The following ERICH6 variants were observed in gnomAD, a reference collection of about 807,000 sequenced individuals.
ERICH6 encodes glutamate-rich protein 6.
In ERICH6, 71 loss-of-function variants were observed where a neutral mutation model predicts 71.0. The ratio of observed to expected loss-of-function variants is 1.00; its 90% confidence interval spans 0.83 to 1.22. The LOEUF (loss-of-function observed/expected upper bound fraction) is 1.22. Among genes scored for constraint, ERICH6 ranks in the 50% most tolerant of loss-of-function variants. ERICH6 has a pLI of 0.00. For synonymous variants in ERICH6, 262 were observed against 278.4 expected (o/e 0.94, Z 0.59); for missense variants, 808 against 797.2 (o/e 1.01, Z -0.16).
chr3:150,667,658 C>T (rs1015608008), intron 12 of ERICH6, among the ~76,000 whole-genome samples: 4 of 152,186 alleles, frequency 2.6e-5, no homozygotes, highest in Non-Finnish European at 4.4e-5. Context: ...CGTTTAGCCC[C>T]TCACCATCTG....
chr3:150,686,060 C>T, intron 4 of ERICH6, 39 bp from the exon 5 acceptor site: 1 of 1,533,232 alleles, frequency 6.5e-7, no homozygotes, highest in Non-Finnish European at 9.0e-7. Context: ...ATGTTTAAAG[C>T]CTTTGTGCAG....
At chr3:150,692,213 T>G (rs1374337688) in intron 3 of ERICH6, among the ~76,000 whole-genome samples, 1 of 152,186 alleles carries the variant, frequency 6.6e-6, no homozygotes, top group African/African-American at 2.4e-5. Flanking sequence ...TTTTATAGAT[T>G]GTTTATAAAA....
At chr3:150,660,669 C>A (rs1395768089) in intron 13 of ERICH6, among the ~76,000 whole-genome samples, 6 of 152,266 alleles carry the variant, frequency 3.9e-5, no homozygotes, top group Non-Finnish European at 7.3e-5. Flanking sequence ...TCTCCCCACT[C>A]TCTCACAGCT....
In ERICH6 at chr3:150,680,895, G is replaced by A. The variant is rs764626921; in HGVS notation, c.918C>T (p.Asp306=). The change falls in exon 8 of 14, where the codon GAC becomes GAT. Residue 306 remains aspartate, a synonymous_variant. Transcript: ENST00000295910. ...TTTTTATTTGCTCCTCATAGATATA[G>A]TCAATCAGATTTTGGAAAGCAATAC... ...SCCIAFQNLI[D]YIYEEQIKTK... 1 of 1,612,082 alleles carries A rather than the reference G, an allele frequency of 6.2e-7. No individual in the cohort carries two copies.
chr3:150,678,498 GT>G lies in ERICH6; in HGVS notation c.1167del (p.Lys389AsnfsTer3). 1 of 1,602,144 alleles carries G rather than the reference GT, an allele frequency of 6.2e-7. No individual in the cohort carries two copies. Among genetic ancestry groups the G allele is most frequent in the Non-Finnish European group, 8.5e-7 (1 of 1,176,770 alleles). On this transcript the variant is annotated frameshift_variant, in exon 10 of 14. Transcript: ENST00000295910. LOFTEE classifies it high-confidence loss of function. ...TCAAATACAATGTCATCAATTATCT[GT>G]TTTTCTGGAATATCCACAGAAAGTT... ...SYQLSVDIPE[K>X]QIIDDIVFDF... is the part of the protein sequence containing the mutation.
At chr3:150,691,069 A>C (rs1033348631) in intron 3 of ERICH6, among the ~76,000 whole-genome samples, 4 of 152,222 alleles carry the variant, frequency 2.6e-5, no homozygotes, top group Admixed American at 6.5e-5. Flanking sequence ...GACAGCTTGG[A>C]GGTTAAAAGC....
intron 3 of ERICH6, among the ~76,000 whole-genome samples, chr3:150,692,083 A>G (rs557100452): frequency 2.6e-5 from 4 of 152,222 alleles, no homozygotes; most frequent in Non-Finnish European, 5.9e-5. Flanking sequence ...AGACTAGCAT[A>G]TAGGCGCTTG....
At position 150,660,078 on chromosome 3, in the gene ERICH6, C is replaced by T. The variant is rs1559906995; in HGVS notation, c.1806G>A (p.Lys602=). 1.9e-6 allele frequency: 3 copies of T among 1,614,046 alleles called. No homozygotes were observed. The highest frequency in any genetic ancestry group is 2.5e-6 in the Non-Finnish European group (3 of 1,180,012). Residue 602 remains lysine (K), a synonymous_variant, in exon 14 of 14, where the codon AAG becomes AAA. Transcript: ENST00000295910. ...DDLLLLASLI[K]IRRLFHKLEG... ...CAAGTTTATGAAACAGGCGACGGAT[C>T]TTTATTAAACTGGCCAGCAGAAGAA...
At position 150,678,474 on chromosome 3, in the gene ERICH6, CA is replaced by C; in HGVS notation, c.1191del (p.Phe397LeufsTer5). 1.2e-6 allele frequency: 2 copies of C among 1,603,368 alleles called. No individual in the cohort carries two copies. Among genetic ancestry groups the C allele is most frequent in the Non-Finnish European group, 1.7e-6 (2 of 1,176,940 alleles). Reference sequence around the variant, plus strand: ...ATGTTACTGTTTCTTAGTTGAAAATCAAATACAATGTCATCAATTATCTGTT... The same window carrying C: ...ATGTTACTGTTTCTTAGTTGAAAATCAATACAATGTCATCAATTATCTGTT... ...PEKQIIDDIV[F>X]DFQLRNSNMS... On this transcript the variant is annotated frameshift_variant, in exon 10 of 14. Coordinates refer to ENST00000295910, the MANE Select transcript of ERICH6 (RefSeq NM_152394.5). LOFTEE classifies it high-confidence loss of function.
At chr3:150,669,179 A>C (rs1711496609) in intron 12 of ERICH6, 117 bp downstream of exon 12, 1 of 1,154,470 alleles carries the variant, frequency 8.7e-7, no homozygotes, top group Middle Eastern at 2.8e-4. Context: ...ATTACCATCT[A>C]AAGAACACTA....
intron 4 of ERICH6, 22 bp downstream of exon 4, chr3:150,686,276 A>G (rs1161257386): frequency 6.2e-7 from 1 of 1,612,704 alleles, no homozygotes; most frequent in African/African-American, 1.3e-5. Flanking sequence ...GCAAAAGGAG[A>G]TGATGCCAAA....
chr3:150,664,948 C>G (rs1727354286), intron 13 of ERICH6, among the ~76,000 whole-genome samples: 1 of 150,584 alleles, frequency 6.6e-6, no homozygotes, highest in South Asian at 2.1e-4. Flanking sequence ...CAAAATGACT[C>G]TTTTTTGATT....
intron 2 of ERICH6, 78 bp from the exon 3 acceptor site, chr3:150,698,960 T>C: frequency 2.4e-6 from 2 of 824,340 alleles, no homozygotes; most frequent in South Asian, 1.6e-5. Context: ...CATTTAATAA[T>C]CAATTAATTA....
Position 150,702,085 on chromosome 3 carries a change from G to A in ERICH6, c.461+36C>T, listed in dbSNP as rs1455704065. 3 of 1,355,222 alleles carry A rather than the reference G, an allele frequency of 2.2e-6. No individual in the cohort carries two copies. The Admixed American group carries it at 5.7e-5, about 26-fold the overall frequency. The allele number at this position is 1,355,222 out of a possible 1,614,324, so 83.9% of individuals were successfully genotyped here. On this transcript the variant is annotated intron_variant, in intron 2 of 13. Coordinates refer to ENST00000295910, the MANE Select transcript of ERICH6 (RefSeq NM_152394.5). ...TTATCCAAAAGGTAAACATTATTGG[G>A]TTCAAAAAATGTGAAATTTGAAAAC... is the stretch of plus-strand genomic sequence containing the variant.
intron 3 of ERICH6, among the ~76,000 whole-genome samples, chr3:150,689,268 C>A (rs1010007115): frequency 3.3e-5 from 5 of 152,102 alleles, no homozygotes; most frequent in African/African-American, 1.2e-4. Flanking sequence ...CAATAGAAGG[C>A]AGGTAACTAT....
At chr3:150,681,168 A>G (rs957418204) in intron 7 of ERICH6, among the ~76,000 whole-genome samples, 2 of 152,200 alleles carry the variant, frequency 1.3e-5, no homozygotes, top group African/African-American at 4.8e-5. Context: ...TAGAATCTGA[A>G]ACCTGTCCTC....
intron 2 of ERICH6, among the ~76,000 whole-genome samples, chr3:150,699,470 A>G (rs542084262): frequency 6.6e-6 from 1 of 152,202 alleles, no homozygotes; most frequent in Non-Finnish European, 1.5e-5. Context: ...GGATCATAGC[A>G]GACTCTCCTA....
intron 3 of ERICH6, among the ~76,000 whole-genome samples, chr3:150,691,696 G>C (rs769563133): frequency 1.3e-5 from 2 of 151,564 alleles, no homozygotes; most frequent in Non-Finnish European, 2.9e-5. Context: ...GTTTTGGTTT[G>C]CTTAGGAAAA....
chr3:150,672,914 A>G (rs1179767345), intron 11 of ERICH6, among the ~76,000 whole-genome samples: 1 of 151,890 alleles, frequency 6.6e-6, no homozygotes, highest in Non-Finnish European at 1.5e-5. Context: ...GGTCCCAGCT[A>G]CTTAGGATGC....
Sources: gnomAD v4.1 joint callset for allele counts (sites outside exome capture counted in the v4.1 genomes callset) on GRCh38, gnomAD v4.1.1 for gene constraint, MANE v1.5 for transcripts, NCBI Gene and HGNC (gene_info 2026-07-23, HGNC 2026-07-21) for gene names.